The following PCDHGA2 variants were observed in gnomAD, a reference collection of about 807,000 sequenced individuals.
PCDHGA2 encodes the protein protocadherin gamma-A2.
Under a neutral mutation model 59.2 loss-of-function variants are expected in PCDHGA2, and 40 were observed. That is an observed-to-expected ratio of 0.68 (90% CI 0.52 to 0.88). The LOEUF is 0.88. PCDHGA2 is among the 40% of genes least tolerant of loss of function. The probability of loss-of-function intolerance (pLI) is 0.00; values close to 1 mark genes in which losing one functional copy is unlikely to be tolerated. For synonymous variants in PCDHGA2, 560 were observed against 526.0 expected, an observed-to-expected ratio of 1.06 and a Z score of -0.89; for missense variants, 1,226 against 1,204.0, an observed-to-expected ratio of 1.02 and a Z score of -0.27.
Position 141,424,165 on chromosome 5 carries a change from A to G in PCDHGA2, c.2425-70642A>G, listed in dbSNP as rs1328883463. 2.8e-5 allele frequency: 7 copies of G among 251,918 alleles called. No individual in the cohort carries two copies. The South Asian group carries it at 4.6e-4, about 17-fold the overall frequency. The allele number at this position is 251,918 out of a possible 1,614,324, so 15.6% of individuals were successfully genotyped here. On this transcript the variant is annotated intron_variant, in intron 1 of 3. Transcript: ENST00000394576. Reference sequence around the variant, plus strand: ...CTCCCTCTAGCTCTCCTTCTCATCTATCTATCTATACACATGCACACACAC... The same window carrying G: ...CTCCCTCTAGCTCTCCTTCTCATCTGTCTATCTATACACATGCACACACAC...
intron 1 of PCDHGA2, among the ~76,000 whole-genome samples, chr5:141,475,215 T>C (rs768665396): frequency 2.6e-5 from 4 of 152,176 alleles, no homozygotes; most frequent in Non-Finnish European, 5.9e-5. Flanking sequence ...AAAGGATTGA[T>C]CAAGTAAAGG....
At chr5:141,372,123 A>G (rs1435565099) in intron 1 of PCDHGA2, 3 of 1,613,632 alleles carry the variant, frequency 1.9e-6, no homozygotes, top group Non-Finnish European at 2.5e-6. Context: ...GCTCTTCGAT[A>G]TGGTGCCGCG....
chr5:141,421,901 G>A lies in PCDHGA2; in HGVS notation c.2425-72906G>A. ...GATGGAGGCGATCCCATCCGAAAGG[G>A]CGCAGTTCCCATTCGTGTGGTGGTC... is the stretch of plus-strand genomic sequence containing the variant. On this transcript the variant is annotated intron_variant, in intron 1 of 3. Coordinates refer to ENST00000394576, the MANE Select transcript of PCDHGA2 (RefSeq NM_018915.4). 1.9e-6 allele frequency: 3 copies of A among 1,613,724 alleles called. No individual in the cohort carries two copies. Among genetic ancestry groups the A allele is most frequent in the East Asian group, 2.2e-5 (1 of 44,880 alleles).
intron 1 of PCDHGA2, among the ~76,000 whole-genome samples, chr5:141,462,269 T>C (rs2099036247): frequency 6.6e-6 from 1 of 152,230 alleles, no homozygotes; most frequent in Admixed American, 6.5e-5. Context: ...CTAAAGTGTA[T>C]TGTTTAGTCA....
Position 141,339,740 on chromosome 5 carries a change from G to T in PCDHGA2, c.769G>T (p.Val257Leu). The T allele has an allele frequency of 1.2e-6, 2 of 1,614,074 alleles. No individual in the cohort carries two copies. The highest frequency in any genetic ancestry group is 1.6e-4 in the Middle Eastern group (1 of 6,062). The change falls in exon 1 of 4, where the codon GTG (valine) becomes TTG (leucine). Residue 257 changes from valine to leucine, a missense_variant. Val to Leu is a conservative substitution (Grantham distance 32). Transcript: ENST00000394576. ...CATAAGCATTCCGGAGAATACGCTC[G>T]TGGGCACCCGGATACTCACGGTGAC... ...YRISIPENTL[V>L]GTRILTVTAT...
intron 1 of PCDHGA2, among the ~76,000 whole-genome samples, chr5:141,354,219 T>C (rs535697333): frequency 4.2e-4 from 64 of 152,356 alleles, no homozygotes; most frequent in African/African-American, 1.5e-3. Flanking sequence ...TTTTTATTTC[T>C]TTTTTATTTT....
chr5:141,362,515 G>C, intron 1 of PCDHGA2: 1 of 1,613,978 alleles, frequency 6.2e-7, no homozygotes. Context: ...TACAAATCAT[G>C]GAGCCGCTGG....
rs752341952 is a variant in PCDHGA2 at position 141,431,380 on chromosome 5, T to C, written c.2425-63427T>C. 10 of 1,613,902 alleles carry C rather than the reference T, an allele frequency of 6.2e-6. No homozygotes were observed. The highest frequency in any genetic ancestry group is 8.5e-6 in the Non-Finnish European group (10 of 1,180,024). ...CCCTGGACCGCGAAGAAAAGGCTGCTCACCACCTGGTCCTTACGGCCTCCG... is the reference window on the plus strand; with the variant it reads ...CCCTGGACCGCGAAGAAAAGGCTGCCCACCACCTGGTCCTTACGGCCTCCG... On this transcript the variant is annotated intron_variant, in intron 1 of 3. Transcript: ENST00000394576. The surrounding 1 kb of genome is among the most constrained non-coding windows in gnomAD (Gnocchi z 4.8).
chr5:141,417,525 C>G (rs1435259680), intron 1 of PCDHGA2: 1 of 272,692 alleles, frequency 3.7e-6, no homozygotes, highest in African/African-American at 2.2e-5. Flanking sequence ...GCTGTCAACT[C>G]GTAGTTTAAA....
chr5:141,505,326 G>A, intron 2 of PCDHGA2, 67 bp from the exon 3 acceptor site: 2 of 1,607,648 alleles, frequency 1.2e-6, no homozygotes, highest in East Asian at 2.2e-5. Context: ...AGCCCTGGGA[G>A]AGGACAGGAG....
intron 1 of PCDHGA2, chr5:141,364,905 C>T (rs1326447228): frequency 2.5e-6 from 4 of 1,613,944 alleles, no homozygotes; most frequent in African/African-American, 2.7e-5. Context: ...CAAAAGTATC[C>T]GGAGCTGGTG....
In PCDHGA2 at chr5:141,356,620, A is replaced by G. The variant is rs369561232; in HGVS notation, c.2424+15225A>G. 4 of 1,614,026 alleles carry G rather than the reference A, an allele frequency of 2.5e-6. No individual in the cohort carries two copies. The African/African-American group carries it at 4.0e-5, about 16-fold the overall frequency. ...CCCCAGAGGAGCCTCCATCTTATCT[A>G]TGACTGCTCAAGACCCTGACAGTGG... On this transcript the variant is annotated intron_variant, in intron 1 of 3. Coordinates refer to ENST00000394576, the MANE Select transcript of PCDHGA2 (RefSeq NM_018915.4).
Position 141,486,092 on chromosome 5 carries a change from C to G in PCDHGA2, c.2425-8715C>G. ...TACTGGAAAGCTTACTCTTTTGGGG[C>G]CCCTAGACTTTGAGAGTGAGAATTA... On this transcript the variant is annotated intron_variant, in intron 1 of 3. Transcript: ENST00000394576. The surrounding 1 kb of genome is among the most constrained non-coding windows in gnomAD (Gnocchi z 5.0). The G allele has an allele frequency of 6.2e-7, 1 of 1,614,148 alleles. No individual in the cohort carries two copies. Among genetic ancestry groups the G allele is most frequent in the South Asian group, 1.1e-5 (1 of 91,080 alleles).
chr5:141,363,428 A>G (rs1396844187), intron 1 of PCDHGA2, among the ~76,000 whole-genome samples: 2 of 152,214 alleles, frequency 1.3e-5, no homozygotes, highest in African/African-American at 4.8e-5. Context: ...CTGTCTCAAC[A>G]TAGAAAGGTC....
chr5:141,417,842 C>G (rs1247720013), intron 1 of PCDHGA2: 2 of 1,537,166 alleles, frequency 1.3e-6, no homozygotes, highest in Admixed American at 2.0e-5. Flanking sequence ...GGGGACCCAG[C>G]GAGAACCCGA....
At chr5:141,390,299 A>G in intron 1 of PCDHGA2, 1 of 1,613,858 alleles carries the variant, frequency 6.2e-7, no homozygotes, top group Non-Finnish European at 8.5e-7. Context: ...TCCTTTAAGT[A>G]TAATTTAATG....
At chr5:141,507,932 G>C (rs2099865030) in intron 3 of PCDHGA2, 1 of 152,338 alleles carries the variant, frequency 6.6e-6, no homozygotes, top group Admixed American at 6.5e-5. Context: ...TGCTGAGAGG[G>C]GTTAAGTAAG....
At chr5:141,344,928 G>A (rs1407685548) in intron 1 of PCDHGA2, 3 of 1,613,848 alleles carry the variant, frequency 1.9e-6, no homozygotes, top group Non-Finnish European at 2.5e-6. Flanking sequence ...CTCAGTGAGT[G>A]GAGAAGTATC....
chr5:141,494,843 G>T lies in PCDHGA2; in HGVS notation c.2461G>T (p.Ala821Ser). The T allele has an allele frequency of 6.2e-7, 1 of 1,614,088 alleles. No individual in the cohort carries two copies. The highest frequency in any genetic ancestry group is 8.5e-7 in the Non-Finnish European group (1 of 1,180,006). ...PPNTDWRFSQ[A>S]QRPGTSGSQN... Reference sequence around the variant, plus strand: ...CAACACGGACTGGCGTTTCTCTCAGGCCCAGAGACCCGGCACCAGCGGGTA... The same window carrying T: ...CAACACGGACTGGCGTTTCTCTCAGTCCCAGAGACCCGGCACCAGCGGGTA... Residue 821 changes from alanine (A) to serine (S), a missense_variant, in exon 2 of 4, where the codon GCC becomes TCC. Transcript: ENST00000394576.
Sources: gnomAD v4.1 joint callset for allele counts (sites outside exome capture counted in the v4.1 genomes callset) on GRCh38, gnomAD v4.1.1 for gene constraint, Gnocchi (gnomAD v3.1) non-coding constraint, MANE v1.5 for transcripts, NCBI Gene and HGNC (gene_info 2026-07-23, HGNC 2026-07-21) for gene names.